Variants in CFAP54 observed in about 807,000 individuals in gnomAD.
The protein encoded by CFAP54 is cilia- and flagella-associated protein 54.
CFAP54 carries 290 observed loss-of-function variants against 370.4 expected under a neutral mutation model. The observed-to-expected ratio is 0.78, with a 90% CI of 0.71 to 0.86. CFAP54 has a LOEUF of 0.86. Ranked by LOEUF, CFAP54 falls within the 40% of genes least tolerant of loss-of-function variation. CFAP54 has a pLI of 0.00. For missense variants in CFAP54, 3,399 were observed against 3,528.7 expected (o/e 0.96, Z 0.93); for synonymous variants, 1,206 against 1,236.5 (o/e 0.98, Z 0.52).
intron 63 of CFAP54, among the ~76,000 whole-genome samples, chr12:96,809,212 A>G (rs1449904434): frequency 6.6e-6 from 1 of 152,138 alleles, no homozygotes; most frequent in Non-Finnish European, 1.5e-5. Flanking sequence ...CCCTTTCAAA[A>G]TGGAAAGTAA....
chr12:96,806,202 ATATATATATAT>A lies in CFAP54; in HGVS notation c.8851-5533_8851-5523del, dbSNP rs1565984919. Among the ~76,000 whole-genome samples, 87 of 86,912 alleles carry A rather than the reference ATATATATATAT, an allele frequency of 1.0e-3. 3 individuals are homozygous for A. Among genetic ancestry groups the A allele is most frequent in the East Asian group, 2.9e-3 (8 of 2,772 alleles). 57.0% of individuals were successfully genotyped at this position (86,912 alleles called of 152,430 possible). A position where few individuals can be genotyped will look rare whatever the true frequency, so the allele number is the denominator to read the frequency against. On this transcript the variant is annotated intron_variant, in intron 63 of 67. Transcript: ENST00000524981. ...TATATATATATATATATATATATAT[ATATATATATAT>A]AATAACAACATAAAAAGAAAGTTGG... is the stretch of plus-strand genomic sequence containing the variant.
chr12:96,507,680 T>G (rs1955122722), intron 4 of CFAP54, among the ~76,000 whole-genome samples: 1 of 152,232 alleles, frequency 6.6e-6, no homozygotes, highest in South Asian at 2.1e-4. Context: ...CTGGATAATA[T>G]ATTTTTAAAA....
chr12:96,644,652 A>G (rs748306288), intron 33 of CFAP54, among the ~76,000 whole-genome samples: 1 of 152,196 alleles, frequency 6.6e-6, no homozygotes, highest in Non-Finnish European at 1.5e-5. Flanking sequence ...AAACGTAATC[A>G]TGGTAGAAGG....
chr12:96,504,796 G>A (rs143170095), intron 3 of CFAP54, among the ~76,000 whole-genome samples: 73 of 152,242 alleles, frequency 4.8e-4, no homozygotes, highest in African/African-American at 1.7e-3. Flanking sequence ...CTGTACCATA[G>A]GTACGTGAAT....
intron 48 of CFAP54, among the ~76,000 whole-genome samples, chr12:96,715,274 AG>A (rs975579109): frequency 4.8e-4 from 28 of 57,996 alleles, no homozygotes; most frequent in African/African-American, 2.2e-3. Flanking sequence ...AAGTGAGAAG[AG>A]TTAGCATCGT....
intron 58 of CFAP54, among the ~76,000 whole-genome samples, chr12:96,763,389 C>A (rs1280118142): frequency 6.6e-6 from 1 of 152,058 alleles, no homozygotes; most frequent in African/African-American, 2.4e-5. Context: ...GCAAATACTG[C>A]CAAAAATCTT....
At chr12:96,576,815 T>C (rs1222111523) in intron 20 of CFAP54, 54 bp downstream of exon 20, 7 of 1,364,310 alleles carry the variant, frequency 5.1e-6, no homozygotes, top group Non-Finnish European at 6.9e-6. Context: ...AGTACTTTTA[T>C]AACTACCATG....
At chr12:96,607,245 C>T (rs969243883) in intron 26 of CFAP54, among the ~76,000 whole-genome samples, 8 of 151,888 alleles carry the variant, frequency 5.3e-5, no homozygotes, top group African/African-American at 1.9e-4. Context: ...GAAGGAGACT[C>T]CATACTCCAA....
At chr12:96,737,276 C>G (rs1370414084) in intron 50 of CFAP54, among the ~76,000 whole-genome samples, 2 of 151,868 alleles carry the variant, frequency 1.3e-5, no homozygotes, top group Admixed American at 1.3e-4. Flanking sequence ...GTATCTATAA[C>G]CTTGTAGACT....
intron 19 of CFAP54, among the ~76,000 whole-genome samples, chr12:96,576,238 C>G (rs1955973943): frequency 6.6e-6 from 1 of 151,838 alleles, no homozygotes; most frequent in Non-Finnish European, 1.5e-5. Flanking sequence ...AGCATAAATG[C>G]AGATGATTAT....
chr12:96,715,575 C>T (rs1398817695), intron 48 of CFAP54, among the ~76,000 whole-genome samples: 1 of 152,072 alleles, frequency 6.6e-6, no homozygotes, highest in Non-Finnish European at 1.5e-5. Flanking sequence ...CCTGAAAGAA[C>T]AATCTGGAAA....
At chr12:96,554,941 A>C (rs1955736711) in intron 17 of CFAP54, 139 bp downstream of exon 17, 2 of 670,414 alleles carry the variant, frequency 3.0e-6, no homozygotes, top group Admixed American at 4.0e-5. Context: ...TTCCCTAATT[A>C]ATATCAATAA....
chr12:96,657,971 T>A lies in CFAP54; in HGVS notation c.5190T>A (p.His1730Gln), dbSNP rs140385682. Reference protein sequence around the residue: ...DNGGSSLTFEHPLDDVNVVDL... With the variant: ...DNGGSSLTFEQPLDDVNVVDL... The stretch of plus-strand genomic sequence containing the variant: ...GTGGTTCTAGTCTTACCTTTGAGCA[T>A]CCTTTGGATGATGTAAATGTGGTTG... The change falls in exon 37 of 68, where the codon CAT becomes CAA. Residue 1730 changes from histidine (H) to glutamine (Q), a missense_variant. Coordinates refer to ENST00000524981, the MANE Select transcript of CFAP54 (RefSeq NM_001306084.2). 1.9e-6 allele frequency: 3 copies of A among 1,613,698 alleles called. No homozygotes were observed. In the African/African-American group the frequency reaches 4.0e-5, roughly 22 times the overall value.
At chr12:96,743,047 T>C (rs1045252119) in intron 52 of CFAP54, among the ~76,000 whole-genome samples, 5 of 152,222 alleles carry the variant, frequency 3.3e-5, no homozygotes, top group Admixed American at 2.0e-4. Flanking sequence ...TTAAATGGGT[T>C]AAATTTATAC....
intron 1 of CFAP54, among the ~76,000 whole-genome samples, chr12:96,499,900 C>G (rs966985665): frequency 1.3e-5 from 2 of 151,672 alleles, no homozygotes; most frequent in African/African-American, 2.4e-5. Context: ...GAGCCAAGAT[C>G]GTGCCACTGC....
chr12:96,641,275 A>C (rs1227786212), intron 32 of CFAP54, among the ~76,000 whole-genome samples: 1 of 152,250 alleles, frequency 6.6e-6, no homozygotes, highest in Non-Finnish European at 1.5e-5. Context: ...AAGGATATGA[A>C]CAGACACTTC....
chr12:96,746,507 A>G (rs1469336554), intron 55 of CFAP54, among the ~76,000 whole-genome samples: 1 of 152,126 alleles, frequency 6.6e-6, no homozygotes, highest in East Asian at 1.9e-4. Flanking sequence ...CACTAATCAC[A>G]ACTTCCTGAA....
At chr12:96,806,159 AATATATAT>A (rs548500750) in intron 63 of CFAP54, among the ~76,000 whole-genome samples, 742 of 27,716 alleles carry the variant, frequency 0.027, 18 homozygotes, top group Non-Finnish European at 0.036. Flanking sequence ...TCACTAGCCA[AATATATAT>A]ATATATATAT....
chr12:96,649,869 A>G (rs754444048), intron 34 of CFAP54, 22 bp from the exon 35 acceptor site: 12 of 1,502,060 alleles, frequency 8.0e-6, no homozygotes, highest in Non-Finnish European at 1.0e-5. Flanking sequence ...TAATCATGTC[A>G]TATCTTATTT....
Sources: gnomAD v4.1 joint callset for allele counts (sites outside exome capture counted in the v4.1 genomes callset) on GRCh38, gnomAD v4.1.1 for gene constraint, MANE v1.5 for transcripts, NCBI Gene and HGNC (gene_info 2026-07-23, HGNC 2026-07-21) for gene names.